Variants in SLC39A10 observed in about 807,000 individuals in gnomAD.
SLC39A10 encodes the protein zinc transporter ZIP10.
In SLC39A10, 13 loss-of-function variants were observed where a neutral mutation model predicts 65.1. The observed-to-expected ratio is 0.20, with a 90% CI of 0.13 to 0.32. The LOEUF (loss-of-function observed/expected upper bound fraction) is 0.32, where lower values mean the gene tolerates loss of function less well. Among genes scored for constraint, SLC39A10 ranks in the 10% least tolerant of loss-of-function variants. The probability of loss-of-function intolerance (pLI) is 1.00; values close to 1 mark genes in which losing one functional copy is unlikely to be tolerated. For missense variants in SLC39A10, 831 were observed against 1,018.4 expected (o/e 0.82, Z 2.50); for synonymous variants, 321 against 342.2 (o/e 0.94, Z 0.68).
chr2:195,623,227 T>C (rs994713297), intron 2 of SLC39A10, among the ~76,000 whole-genome samples: 12 of 152,282 alleles, frequency 7.9e-5, no homozygotes, highest in Admixed American at 6.5e-4. Context: ...AAAAGATCCA[T>C]TGTATTCAAG....
chr2:195,705,401 A>G (rs1691363179), intron 3 of SLC39A10, among the ~76,000 whole-genome samples: 1 of 152,190 alleles, frequency 6.6e-6, no homozygotes, highest in Non-Finnish European at 1.5e-5. Context: ...CGGTGAGATA[A>G]TTGAGCTAAT....
intron 6 of SLC39A10, among the ~76,000 whole-genome samples, chr2:195,713,858 A>G (rs1397943284): frequency 2.0e-5 from 3 of 152,206 alleles, no homozygotes; most frequent in Non-Finnish European, 4.4e-5. Context: ...TACTTGTGCT[A>G]TAAAGATAAG....
chr2:195,649,743 G>C (rs1688993519), intron 2 of SLC39A10, among the ~76,000 whole-genome samples: 1 of 152,172 alleles, frequency 6.6e-6, no homozygotes, highest in Non-Finnish European at 1.5e-5. Flanking sequence ...TGGACTAGGA[G>C]TTATGTTCTG....
At chr2:195,629,087 A>C (rs895019311) in intron 2 of SLC39A10, among the ~76,000 whole-genome samples, 7 of 152,148 alleles carry the variant, frequency 4.6e-5, no homozygotes, top group African/African-American at 1.4e-4. Context: ...TGTTTGTGTC[A>C]GAAACTCAAG....
intron 2 of SLC39A10, among the ~76,000 whole-genome samples, chr2:195,632,592 G>A (rs889474967): frequency 6.6e-6 from 1 of 152,234 alleles, no homozygotes. Flanking sequence ...ACAGGCATGA[G>A]CCACCACACC....
intron 2 of SLC39A10, among the ~76,000 whole-genome samples, chr2:195,620,380 T>G (rs1017199416): frequency 3.9e-5 from 6 of 152,168 alleles, no homozygotes; most frequent in Admixed American, 6.6e-5. Context: ...AATAAATAAA[T>G]GAAGGCATTG....
intron 3 of SLC39A10, among the ~76,000 whole-genome samples, chr2:195,697,248 C>T (rs1158209521): frequency 6.6e-6 from 1 of 152,178 alleles, no homozygotes; most frequent in Admixed American, 6.5e-5. Flanking sequence ...AATTATTATG[C>T]TATATTACAT....
Position 195,735,068 on chromosome 2 carries a change from C to A in SLC39A10, c.*27C>A. 4.4e-6 allele frequency: 7 copies of A among 1,597,626 alleles called. No individual in the cohort carries two copies. Among genetic ancestry groups the A allele is most frequent in the Non-Finnish European group, 6.0e-6 (7 of 1,172,664 alleles). On this transcript the variant is annotated 3_prime_UTR_variant, in exon 10 of 10. Coordinates refer to ENST00000359634, the MANE Select transcript of SLC39A10 (RefSeq NM_020342.3). Reference sequence around the variant, plus strand: ...CTTTCCCAGTAATCACTGTTGATTACGAGAATGTTACCATGCAGCTTTGCA... The same window carrying A: ...CTTTCCCAGTAATCACTGTTGATTAAGAGAATGTTACCATGCAGCTTTGCA...
chr2:195,722,698 T>C (rs1185927023), intron 8 of SLC39A10, among the ~76,000 whole-genome samples: 1 of 152,244 alleles, frequency 6.6e-6, no homozygotes, highest in African/African-American at 2.4e-5. Context: ...TCCCACTTTC[T>C]AGGTTAAGAT....
At chr2:195,638,409 G>A (rs1458539394) in intron 2 of SLC39A10, among the ~76,000 whole-genome samples, 2 of 151,772 alleles carry the variant, frequency 1.3e-5, no homozygotes, top group Non-Finnish European at 2.9e-5. Flanking sequence ...ATGCAATCTG[G>A]GCTCACTGCA....
Position 195,684,449 on chromosome 2 carries a change from T to C in SLC39A10, c.1216+543T>C, listed in dbSNP as rs185168450. ...AACTATTTTTAAATTTCTCTTAGGC[T>C]CTTTTTTCATCGTACCCACTTGGCT... On this transcript the variant is annotated intron_variant, in intron 3 of 9. Coordinates refer to ENST00000359634, the MANE Select transcript of SLC39A10 (RefSeq NM_020342.3). Among the ~76,000 whole-genome samples, 8 of 152,236 alleles carry C rather than the reference T, an allele frequency of 5.3e-5. No homozygotes were observed. In the South Asian group the frequency reaches 1.4e-3, roughly 28 times the overall value.
At chr2:195,714,141 C>G (rs969873615) in intron 6 of SLC39A10, among the ~76,000 whole-genome samples, 1 of 152,072 alleles carries the variant, frequency 6.6e-6, no homozygotes, top group African/African-American at 2.4e-5. Flanking sequence ...CCGTGTCAGC[C>G]AGGATGGTCT....
At chr2:195,700,993 A>G (rs1691154802) in intron 3 of SLC39A10, among the ~76,000 whole-genome samples, 1 of 151,990 alleles carries the variant, frequency 6.6e-6, no homozygotes, top group Non-Finnish European at 1.5e-5. Flanking sequence ...TTCTTAAAAT[A>G]TTCTTGCTGT....
At chr2:195,649,117 C>A (rs1466583388) in intron 2 of SLC39A10, among the ~76,000 whole-genome samples, 1 of 151,982 alleles carries the variant, frequency 6.6e-6, no homozygotes, top group Admixed American at 6.6e-5. Context: ...GTTTCCAAAT[C>A]TTCTCTAAAG....
intron 2 of SLC39A10, among the ~76,000 whole-genome samples, chr2:195,616,054 C>T (rs1688200657): frequency 6.6e-6 from 1 of 152,202 alleles, no homozygotes; most frequent in Non-Finnish European, 1.5e-5. Flanking sequence ...GGCCTGGGTG[C>T]AAGCGATTCT....
chr2:195,681,648 G>A (rs1690329655), intron 2 of SLC39A10, among the ~76,000 whole-genome samples: 2 of 151,922 alleles, frequency 1.3e-5, no homozygotes, highest in African/African-American at 2.4e-5. Flanking sequence ...TTTGTAGCAC[G>A]TATCTGAAGA....
Position 195,716,812 on chromosome 2 carries a change from T to G in SLC39A10, c.1872T>G (p.Ala624=), listed in dbSNP as rs776371046. ...TTCATGAGCATGATCTCCATGCTGC[T>G]GCACATAACCACCACGGCGAGAACA... is the stretch of plus-strand genomic sequence containing the variant. ...HTIHEHDLHA[A]AHNHHGENKT... is the part of the protein sequence containing the mutation. Residue 624 remains alanine (A), a synonymous_variant, in exon 7 of 10, where the codon GCT becomes GCG. Coordinates refer to ENST00000359634, the MANE Select transcript of SLC39A10 (RefSeq NM_020342.3). The G allele has an allele frequency of 6.2e-7, 1 of 1,614,222 alleles. No individual in the cohort carries two copies. Among genetic ancestry groups the G allele is most frequent in the Admixed American group, 1.7e-5 (1 of 60,030 alleles).
intron 5 of SLC39A10, among the ~76,000 whole-genome samples, chr2:195,711,701 A>T (rs759936629): frequency 2.0e-5 from 3 of 152,210 alleles, no homozygotes; most frequent in Non-Finnish European, 2.9e-5. Flanking sequence ...CTAGATGTTG[A>T]CTTGTTTCAG....
At chr2:195,622,073 A>G (rs1390465895) in intron 2 of SLC39A10, among the ~76,000 whole-genome samples, 1 of 152,146 alleles carries the variant, frequency 6.6e-6, no homozygotes, top group African/African-American at 2.4e-5. Flanking sequence ...TTAAGAAAAC[A>G]AGTGATTTAG....
Sources: gnomAD v4.1 joint callset for allele counts (sites outside exome capture counted in the v4.1 genomes callset) on GRCh38, gnomAD v4.1.1 for gene constraint, MANE v1.5 for transcripts, NCBI Gene and HGNC (gene_info 2026-07-23, HGNC 2026-07-21) for gene names.